Variants in SNX3 observed in about 807,000 individuals in gnomAD.
The protein encoded by SNX3 is sorting nexin 3.
SNX3 carries 5 observed loss-of-function variants against 17.7 expected under a neutral mutation model. The ratio of observed to expected loss-of-function variants is 0.28; its 90% CI spans 0.15 to 0.59. The LOEUF is 0.59. Among genes scored for constraint, SNX3 ranks in the 20% least tolerant of loss-of-function variants. SNX3 has a pLI of 0.88. For missense variants in SNX3, 132 were observed against 206.8 expected (o/e 0.64, Z 2.22); for synonymous variants, 91 against 76.5 (o/e 1.19, Z -0.99).
Position 108,261,012 on chromosome 6 carries a change from C to G in SNX3, c.-91G>C. The G allele has an allele frequency of 8.1e-7, 1 of 1,231,978 alleles. No individual in the cohort carries two copies. The highest frequency in any genetic ancestry group is 1.1e-6 in the Non-Finnish European group (1 of 944,440). The allele number at this position is 1,231,978 out of a possible 1,614,324, so 76.3% of individuals were successfully genotyped here. Reference sequence around the variant, plus strand: ...GCCGCTGCTGCCCGCCGTGGGGACACGGGGCTCGCGCGCAGCGGTCGCGAA... The same window carrying G: ...GCCGCTGCTGCCCGCCGTGGGGACAGGGGGCTCGCGCGCAGCGGTCGCGAA... On this transcript the variant is annotated 5_prime_UTR_variant, in exon 1 of 4. Transcript: ENST00000230085.
Position 108,260,648 on chromosome 6 carries a change from G to A in SNX3, c.162+112C>T. On this transcript the variant is annotated intron_variant, in intron 1 of 3. Coordinates refer to ENST00000230085, the MANE Select transcript of SNX3 (RefSeq NM_003795.6). The stretch of plus-strand genomic sequence containing the variant: ...CGACCCCGGCCCGCCTCTGCAAGGG[G>A]GCTCCCGGCCTGGGAGGCTGTGGCT... The A allele has an allele frequency of 3.2e-6, 4 of 1,249,784 alleles. No individual in the cohort carries two copies. In the South Asian group the frequency reaches 3.9e-5, roughly 12 times the overall value. The allele number at this position is 1,249,784 out of a possible 1,614,324, so 77.4% of individuals were successfully genotyped here.
At chr6:108,244,992 TGCA>T (rs968871821) in intron 1 of SNX3, among the ~76,000 whole-genome samples, 9 of 152,100 alleles carry the variant, frequency 5.9e-5, no homozygotes, top group Admixed American at 5.2e-4. Context: ...CAAAAAAACG[TGCA>T]GGTTTGTTAC....
Position 108,252,091 on chromosome 6 carries a change from C to CA in SNX3, c.162+8668dup, listed in dbSNP as rs776909106. 2.7e-3 allele frequency: 326 copies of CA among 121,390 alleles called. 2 individuals are homozygous for CA. Among genetic ancestry groups the CA allele is most frequent in the African/African-American group, 5.8e-3 (205 of 35,396 alleles). 7.5% of individuals were successfully genotyped at this position (121,390 alleles called of 1,614,324 possible). ...AAAATAAATAAATAAATAAAACAAA[C>CA]AAACAAACAAAAAAATGAAGTAGAA... On this transcript the variant is annotated intron_variant, in intron 1 of 3. Coordinates refer to ENST00000230085, the MANE Select transcript of SNX3 (RefSeq NM_003795.6).
At chr6:108,252,461 T>A (rs1260907087) in intron 1 of SNX3, 1 of 152,306 alleles carries the variant, frequency 6.6e-6, no homozygotes, top group Non-Finnish European at 1.5e-5. Flanking sequence ...TAAGCGGGGT[T>A]GGGCCTGGTT....
intron 1 of SNX3, among the ~76,000 whole-genome samples, chr6:108,233,633 C>T (rs1354530038): frequency 6.6e-6 from 1 of 152,162 alleles, no homozygotes; most frequent in Non-Finnish European, 1.5e-5. Context: ...CCTGTAATCC[C>T]AGCTACTCGG....
Position 108,251,396 on chromosome 6 carries a change from A to C in SNX3, c.162+9364T>G, listed in dbSNP as rs540525992. ...CATTTGTTAATGTGGCAAAGCAAAG[A>C]ACAGTGTCTACTCTTCCCTTCTTCA... On this transcript the variant is annotated intron_variant, in intron 1 of 3. Coordinates refer to ENST00000230085, the MANE Select transcript of SNX3 (RefSeq NM_003795.6). 9.8e-5 allele frequency among the ~76,000 whole-genome samples: 15 copies of C among 152,344 alleles called. No homozygotes were observed. In the East Asian group the frequency reaches 2.9e-3, roughly 29 times the overall value.
At chr6:108,239,737 C>A (rs1028972027) in intron 1 of SNX3, among the ~76,000 whole-genome samples, 10 of 152,206 alleles carry the variant, frequency 6.6e-5, no homozygotes, top group African/African-American at 2.4e-4. Flanking sequence ...TCTAAAGTCA[C>A]ACTATGGTTA....
At chr6:108,258,417 C>G (rs113781421) in intron 1 of SNX3, among the ~76,000 whole-genome samples, 1 of 150,692 alleles carries the variant, frequency 6.6e-6, no homozygotes, top group African/African-American at 2.4e-5. Flanking sequence ...AAAATAGCGC[C>G]GCTGCACTGC....
At chr6:108,230,616 G>A (rs1775116898) in intron 1 of SNX3, among the ~76,000 whole-genome samples, 1 of 152,078 alleles carries the variant, frequency 6.6e-6, no homozygotes, top group African/African-American at 2.4e-5. Context: ...AGTAACCCTG[G>A]ACTACTTTAG....
intron 2 of SNX3, among the ~76,000 whole-genome samples, chr6:108,216,673 C>A (rs1216615899): frequency 6.6e-6 from 1 of 151,720 alleles, no homozygotes; most frequent in Non-Finnish European, 1.5e-5. Flanking sequence ...TACACATATT[C>A]AAAAAAATTA....
chr6:108,218,763 T>C (rs1330281377), intron 2 of SNX3, among the ~76,000 whole-genome samples: 1 of 152,220 alleles, frequency 6.6e-6, no homozygotes, highest in Non-Finnish European at 1.5e-5. Flanking sequence ...ACACAAAAGA[T>C]CACATATTGT....
intron 1 of SNX3, among the ~76,000 whole-genome samples, chr6:108,245,364 G>T (rs1313344156): frequency 6.6e-6 from 1 of 152,068 alleles, no homozygotes; most frequent in Non-Finnish European, 1.5e-5. Flanking sequence ...TCATTGATAG[G>T]CATTTGGGTT....
At chr6:108,212,292 T>C (rs767906095) in intron 3 of SNX3, 38 bp from the exon 4 acceptor site, 13 of 1,407,866 alleles carry the variant, frequency 9.2e-6, no homozygotes, top group Non-Finnish European at 1.2e-5. Flanking sequence ...CAATATTTTA[T>C]ACAAGGTGGG....
chr6:108,232,020 C>T (rs1397391450), intron 1 of SNX3, among the ~76,000 whole-genome samples: 3 of 152,086 alleles, frequency 2.0e-5, no homozygotes. Context: ...GGGTATCTTG[C>T]TTTTCATTTG....
chr6:108,229,197 T>C (rs1009979208), intron 1 of SNX3, among the ~76,000 whole-genome samples: 2 of 147,250 alleles, frequency 1.4e-5, no homozygotes, highest in African/African-American at 5.1e-5. Context: ...GAGGCGGAGG[T>C]TGCAGTGAGG....
intron 1 of SNX3, among the ~76,000 whole-genome samples, chr6:108,228,391 A>C (rs1775036139): frequency 6.6e-6 from 1 of 152,106 alleles, no homozygotes; most frequent in Non-Finnish European, 1.5e-5. Context: ...TCTACTAAAA[A>C]CACAAAAATT....
chr6:108,221,935 T>C (rs1774788956), intron 2 of SNX3, among the ~76,000 whole-genome samples: 1 of 152,056 alleles, frequency 6.6e-6, no homozygotes, highest in Admixed American at 6.6e-5. Context: ...TTTAAAAATT[T>C]TGGAAGAGAT....
intron 2 of SNX3, among the ~76,000 whole-genome samples, chr6:108,221,394 G>C (rs1169011247): frequency 6.6e-6 from 1 of 151,388 alleles, no homozygotes; most frequent in Non-Finnish European, 1.5e-5. Flanking sequence ...ATAAAAGAGG[G>C]GACCTTAATT....
intron 1 of SNX3, among the ~76,000 whole-genome samples, chr6:108,229,384 C>T (rs1409166344): frequency 1.3e-5 from 2 of 151,994 alleles, no homozygotes; most frequent in Non-Finnish European, 2.9e-5. Context: ...TCTTTCCCCT[C>T]CTTTTCTTTC....
Sources: gnomAD v4.1 joint callset for allele counts (sites outside exome capture counted in the v4.1 genomes callset) on GRCh38, gnomAD v4.1.1 for gene constraint, MANE v1.5 for transcripts, NCBI Gene and HGNC (gene_info 2026-07-23, HGNC 2026-07-21) for gene names.